ATE1: variants seen among roughly 807,000 people sequenced by gnomAD.
ATE1 encodes the protein arginyltransferase 1.
ATE1 carries 36 observed loss-of-function variants against 70.5 expected under a neutral mutation model. The observed-to-expected ratio is 0.51, with a 90% confidence interval of 0.39 to 0.67. ATE1 has a LOEUF of 0.67. Ranked by LOEUF, ATE1 falls within the 30% of genes least tolerant of loss-of-function variation. ATE1 has a pLI of 0.00. For synonymous variants in ATE1, 232 were observed against 219.3 expected (o/e 1.06, Z -0.51); for missense variants, 593 against 629.5 (o/e 0.94, Z 0.62).
intron 11 of ATE1, among the ~76,000 whole-genome samples, chr10:121,776,344 A>ATC (rs144061301): frequency 0.91 from 138,181 of 151,986 alleles, 63,140 homozygotes; most frequent in Non-Finnish European, 0.96. Flanking sequence ...AATCCCTCCT[A>ATC]TCTCTAATCA....
intron 8 of ATE1, among the ~76,000 whole-genome samples, chr10:121,865,683 G>A (rs569161497): frequency 1.3e-5 from 2 of 152,274 alleles, no homozygotes; most frequent in South Asian, 4.1e-4. Flanking sequence ...TATGTTGCCT[G>A]ACTTGACGAG....
chr10:121,810,492 G>A (rs748298674), intron 10 of ATE1, among the ~76,000 whole-genome samples: 13 of 152,022 alleles, frequency 8.6e-5, no homozygotes, highest in East Asian at 5.8e-4. Context: ...GGATGGTCTC[G>A]ATACCCTGAC....
chr10:121,822,730 C>T (rs1947848991), intron 10 of ATE1, among the ~76,000 whole-genome samples: 1 of 152,146 alleles, frequency 6.6e-6, no homozygotes, highest in African/African-American at 2.4e-5. Context: ...AGTCACCTTT[C>T]ACATGCAATG....
At chr10:121,836,609 C>T in intron 10 of ATE1, 109 bp downstream of exon 10, 1 of 631,998 alleles carries the variant, frequency 1.6e-6, no homozygotes, top group Non-Finnish European at 2.7e-6. Context: ...TTCCTATTAA[C>T]CCATTCGTCC....
In ATE1 at chr10:121,841,218, GA is replaced by G; in HGVS notation, c.1020del (p.His341ThrfsTer15). On this transcript the variant is annotated frameshift_variant, in exon 9 of 12. Coordinates refer to ENST00000224652, the MANE Select transcript of ATE1 (RefSeq NM_001001976.3). LOFTEE classifies it high-confidence loss of function. Reference protein sequence around the residue: ...PNGPDCGYGSFHQQYWLDGKI... With the variant: ...PNGPDCGYGSXHQQYWLDGKI... ...TTTCCGTCAAGCCAGTACTGCTGGTGAAAGGAGCCATAGCCACAATCTGGCC... is the reference window on the plus strand; with the variant it reads ...TTTCCGTCAAGCCAGTACTGCTGGTGAAGGAGCCATAGCCACAATCTGGCC... 2 of 1,569,334 alleles carry G rather than the reference GA, an allele frequency of 1.3e-6. No individual in the cohort carries two copies. The highest frequency in any genetic ancestry group is 2.4e-5 in the South Asian group (2 of 82,666).
intron 8 of ATE1, among the ~76,000 whole-genome samples, chr10:121,841,765 C>T (rs143320363): frequency 3.2e-3 from 491 of 152,080 alleles, no homozygotes; most frequent in African/African-American, 0.011. Context: ...GGGACTTAGA[C>T]GGAAGGGCAA....
At chr10:121,819,919 G>A (rs1354784095) in intron 10 of ATE1, among the ~76,000 whole-genome samples, 3 of 151,984 alleles carry the variant, frequency 2.0e-5, no homozygotes, top group Non-Finnish European at 4.4e-5. Context: ...GCCAAGGTGG[G>A]CAGATCACTT....
At chr10:121,767,199 C>T (rs1945312644) in intron 11 of ATE1, among the ~76,000 whole-genome samples, 1 of 152,144 alleles carries the variant, frequency 6.6e-6, no homozygotes, top group Non-Finnish European at 1.5e-5. Context: ...TCAGCAACCA[C>T]TCACGATAAA....
chr10:121,760,340 C>A (rs981987274), intron 11 of ATE1, among the ~76,000 whole-genome samples: 15 of 152,144 alleles, frequency 9.9e-5, no homozygotes, highest in African/African-American at 3.4e-4. Flanking sequence ...AATAGAAAAC[C>A]TTCTGGAAAG....
intron 8 of ATE1, among the ~76,000 whole-genome samples, chr10:121,859,113 GA>G (rs1425346444): frequency 6.6e-6 from 1 of 151,478 alleles, no homozygotes; most frequent in Non-Finnish European, 1.5e-5. Flanking sequence ...AAGAAAGAAA[GA>G]AAAAAAGGAT....
chr10:121,809,831 G>C (rs1227062357), intron 10 of ATE1, among the ~76,000 whole-genome samples: 1 of 151,860 alleles, frequency 6.6e-6, no homozygotes, highest in Non-Finnish European at 1.5e-5. Context: ...AAAAAGTGCA[G>C]TCAGAGAATC....
intron 7 of ATE1, among the ~76,000 whole-genome samples, chr10:121,899,611 G>C (rs540887511): frequency 2.0e-5 from 3 of 152,228 alleles, no homozygotes; most frequent in Non-Finnish European, 4.4e-5. Context: ...TTAGATAAAT[G>C]CATCTAAAAT....
At chr10:121,925,368 C>T (rs971920860) in intron 1 of ATE1, among the ~76,000 whole-genome samples, 6 of 148,672 alleles carry the variant, frequency 4.0e-5, no homozygotes, top group Non-Finnish European at 8.9e-5. Flanking sequence ...TGCAGTGACT[C>T]GAGATCGAGC....
intron 11 of ATE1, among the ~76,000 whole-genome samples, chr10:121,784,425 G>GTA (rs1240774372): frequency 6.6e-6 from 1 of 152,114 alleles, no homozygotes. Context: ...GCAAAAACCT[G>GTA]TATTATTGTT....
At chr10:121,791,906 G>A (rs189525407) in intron 10 of ATE1, among the ~76,000 whole-genome samples, 181 of 152,264 alleles carry the variant, frequency 1.2e-3, no homozygotes, top group African/African-American at 3.9e-3. Context: ...CTAAGAGCTC[G>A]GCAGTGATTC....
intron 10 of ATE1, among the ~76,000 whole-genome samples, chr10:121,815,330 G>A (rs1947497404): frequency 6.6e-6 from 1 of 152,030 alleles, no homozygotes. Flanking sequence ...TAGAGATGGG[G>A]TTTCACCGTG....
At chr10:121,891,547 T>C (rs1325163420) in intron 7 of ATE1, among the ~76,000 whole-genome samples, 4 of 152,188 alleles carry the variant, frequency 2.6e-5, no homozygotes. Context: ...AGCTGCTTTT[T>C]ATTAAAGGAA....
At chr10:121,752,070 G>A (rs544871382) in intron 11 of ATE1, among the ~76,000 whole-genome samples, 8 of 150,898 alleles carry the variant, frequency 5.3e-5, no homozygotes, top group Non-Finnish European at 5.9e-5. Context: ...GGTGGCGGCC[G>A]CCTGTAGTCC....
intron 10 of ATE1, among the ~76,000 whole-genome samples, chr10:121,803,471 A>T: frequency 6.6e-6 from 1 of 152,320 alleles, no homozygotes; most frequent in African/African-American, 2.4e-5. Context: ...CCCAACCTAA[A>T]ATCAGAAATA....
Sources: gnomAD v4.1 joint callset for allele counts (sites outside exome capture counted in the v4.1 genomes callset) on GRCh38, gnomAD v4.1.1 for gene constraint, MANE v1.5 for transcripts, NCBI Gene and HGNC (gene_info 2026-07-23, HGNC 2026-07-21) for gene names.